FAM117A: variants seen among roughly 807,000 people sequenced by gnomAD.
FAM117A encodes the protein protein FAM117A.
A neutral mutation model predicts 44.1 loss-of-function variants in FAM117A; 21 were observed. The ratio of observed to expected loss-of-function variants is 0.48; its 90% CI spans 0.34 to 0.69. The LOEUF (loss-of-function observed/expected upper bound fraction) is 0.69. Ranked by LOEUF, FAM117A falls within the 30% of genes least tolerant of loss-of-function variation. The pLI is 0.01. For synonymous variants in FAM117A, 220 were observed against 238.3 expected, an observed-to-expected ratio of 0.92 and a Z score of 0.71; for missense variants, 498 against 589.9, an observed-to-expected ratio of 0.84 and a Z score of 1.61.
chr17:49,764,182 C>A, upstream of FAM117A: 3 of 607,092 alleles, frequency 4.9e-6, no homozygotes, highest in Non-Finnish European at 5.0e-6. Flanking sequence ...GGGCGGGGAC[C>A]GGCCCCCTCA....
At position 49,763,985 on chromosome 17, in the gene FAM117A, C is replaced by G; in HGVS notation, c.103G>C (p.Gly35Arg). The change falls in exon 1 of 8, where the codon GGC becomes CGC. Residue 35 changes from glycine (G) to arginine (R), a missense_variant. Around this residue, in one of 3 missense-constraint regions of FAM117A, gnomAD observed 270 missense variants for 277.4 expected, o/e 0.97. Transcript: ENST00000240364. ...RRGCSPPAPAGSPRAGLQPLR... is the reference protein window; with the variant it reads ...RRGCSPPAPARSPRAGLQPLR... ...GGCTGCAGCCCAGCCCGGGGGGAGC[C>G]GGCGGGGGCTGGGGGAGAGCAGCCC... 8.2e-7 allele frequency: 1 copy of G among 1,222,388 alleles called. No homozygotes were observed. Among genetic ancestry groups the G allele is most frequent in the Non-Finnish European group, 1.0e-6 (1 of 981,472 alleles). The allele number at this position is 1,222,388 out of a possible 1,614,324, so 75.7% of individuals were successfully genotyped here.
intron 1 of FAM117A, among the ~76,000 whole-genome samples, chr17:49,755,740 G>A (rs556809324): frequency 3.9e-5 from 6 of 152,310 alleles, no homozygotes; most frequent in African/African-American, 1.4e-4. Context: ...GTTTTGCCTT[G>A]TAAGTAGCTG....
chr17:49,742,172 TC>T (rs1415386670), intron 1 of FAM117A, among the ~76,000 whole-genome samples: 5 of 152,150 alleles, frequency 3.3e-5, no homozygotes, highest in Non-Finnish European at 7.4e-5. Context: ...ATGAAAAACT[TC>T]TCAGCCAGGC....
At position 49,711,483 on chromosome 17, in the gene FAM117A, G is replaced by C. The variant is rs202098961; in HGVS notation, c.1134C>G (p.Gly378=). 6.2e-7 allele frequency: 1 copy of C among 1,614,152 alleles called. No individual in the cohort carries two copies. The highest frequency in any genetic ancestry group is 8.5e-7 in the Non-Finnish European group (1 of 1,180,032). The change falls in exon 8 of 8, where the codon GGC becomes GGG. Residue 378 remains glycine, a synonymous_variant. Transcript: ENST00000240364. ...TCAGGTTGACGGGGCAGAAGGCTGA[G>C]CCAGTCGGGTTGAAATGGACTTTGT... ...DKNKVHFNPT[G]SAFCPVNLMK... is the part of the protein sequence containing the mutation.
chr17:49,725,111 C>T (rs2073553912), intron 2 of FAM117A, among the ~76,000 whole-genome samples: 2 of 152,290 alleles, frequency 1.3e-5, no homozygotes, highest in South Asian at 4.1e-4. Flanking sequence ...AAACCCATCT[C>T]CCTCTCCTTT....
chr17:49,711,245 G>T lies in FAM117A; in HGVS notation c.*10C>A. The T allele has an allele frequency of 6.3e-7, 1 of 1,587,648 alleles. No homozygotes were observed. On this transcript the variant is annotated 3_prime_UTR_variant, in exon 8 of 8. Transcript: ENST00000240364. ...GGTCTCTATGGTAAAGTGGGGCAGG[G>T]GTGGGACCCTCAGACCATCAGGGAG...
chr17:49,726,517 C>T lies in FAM117A; in HGVS notation c.367-3923G>A, dbSNP rs554930192. On this transcript the variant is annotated intron_variant, in intron 2 of 7. Transcript: ENST00000240364. The stretch of plus-strand genomic sequence containing the variant: ...ATTAGCCACTGCGCCCACCCGACAT[C>T]GAGTATTCTCAAGGCAGGAGTGTAC... 3.3e-5 allele frequency among the ~76,000 whole-genome samples: 5 copies of T among 152,310 alleles called. No homozygotes were observed. The East Asian group carries it at 9.6e-4, about 29-fold the overall frequency.
At chr17:49,743,240 AG>A (rs2073641647) in intron 1 of FAM117A, among the ~76,000 whole-genome samples, 1 of 152,144 alleles carries the variant, frequency 6.6e-6, no homozygotes, top group Non-Finnish European at 1.5e-5. Context: ...CCTGGGTCTC[AG>A]GAACACTAGT....
intron 1 of FAM117A, chr17:49,773,545 A>G (rs1355623132): frequency 2.6e-5 from 4 of 151,892 alleles, no homozygotes; most frequent in African/African-American, 7.3e-5. Flanking sequence ...AAATATCACC[A>G]CAGATTCTTA....
chr17:49,739,351 C>G (rs1186034711), intron 1 of FAM117A, among the ~76,000 whole-genome samples: 1 of 152,146 alleles, frequency 6.6e-6, no homozygotes, highest in Non-Finnish European at 1.5e-5. Flanking sequence ...TGTCAAAGCC[C>G]TTTCCTTTAC....
At chr17:49,740,247 A>G (rs539231548) in intron 1 of FAM117A, among the ~76,000 whole-genome samples, 1 of 150,856 alleles carries the variant, frequency 6.6e-6, no homozygotes, top group Non-Finnish European at 1.5e-5. Context: ...TTTGGTAAGC[A>G]GATTTTTTTT....
At chr17:49,772,040 C>T (rs1345533849) in intron 1 of FAM117A, among the ~76,000 whole-genome samples, 1 of 152,072 alleles carries the variant, frequency 6.6e-6, no homozygotes, top group East Asian at 1.9e-4. Flanking sequence ...ACCTGTAATC[C>T]CAGCAATTTG....
At chr17:49,720,298 G>A in intron 4 of FAM117A, 28 bp downstream of exon 4, 1 of 1,575,856 alleles carries the variant, frequency 6.3e-7, no homozygotes, top group Non-Finnish European at 8.7e-7. Flanking sequence ...GGAGAACAGA[G>A]GGGAGAGGGC....
intron 1 of FAM117A, among the ~76,000 whole-genome samples, chr17:49,739,108 G>A (rs1046828565): frequency 5.9e-5 from 9 of 152,176 alleles, no homozygotes; most frequent in Admixed American, 2.0e-4. Flanking sequence ...TCACTGGGCT[G>A]GCTCTCCCTC....
intron 1 of FAM117A, among the ~76,000 whole-genome samples, chr17:49,784,110 T>C (rs557619714): frequency 2.2e-4 from 34 of 152,342 alleles, no homozygotes; most frequent in African/African-American, 7.0e-4. Flanking sequence ...AATGAACAAC[T>C]ACATTTTGTA....
intron 1 of FAM117A, among the ~76,000 whole-genome samples, chr17:49,760,178 A>G (rs1003045545): frequency 6.6e-6 from 1 of 152,206 alleles, no homozygotes; most frequent in African/African-American, 2.4e-5. Context: ...TTGAGAACTG[A>G]CTGGAAGCAG....
chr17:49,761,020 G>A (rs2073720591), intron 1 of FAM117A, among the ~76,000 whole-genome samples: 1 of 152,172 alleles, frequency 6.6e-6, no homozygotes, highest in Admixed American at 6.5e-5. Context: ...TATGATGAAT[G>A]GTTGCAGAAG....
intron 1 of FAM117A, among the ~76,000 whole-genome samples, chr17:49,778,721 C>T (rs1022497214): frequency 1.3e-5 from 2 of 152,218 alleles, no homozygotes; most frequent in African/African-American, 4.8e-5. Flanking sequence ...CTACTAAGTG[C>T]CATGCACTCT....
chr17:49,719,593 G>A (rs1256174551), intron 5 of FAM117A, 167 bp downstream of exon 5: 1 of 833,390 alleles, frequency 1.2e-6, no homozygotes, highest in Non-Finnish European at 1.8e-6. Context: ...AAGGCCATTT[G>A]AGACTAATAA....
Sources: gnomAD v4.1 joint callset for allele counts (sites outside exome capture counted in the v4.1 genomes callset) on GRCh38, gnomAD v4.1.1 for gene constraint, gnomAD v4.1.1 regional missense constraint, MANE v1.5 for transcripts, NCBI Gene and HGNC (gene_info 2026-07-23, HGNC 2026-07-21) for gene names.